Variants in TTLL8 observed in about 807,000 individuals in gnomAD.
TTLL8 encodes the protein protein monoglycylase TTLL8.
In TTLL8, 65 loss-of-function variants were observed where a neutral mutation model predicts 77.8. That is an observed-to-expected ratio of 0.84 (90% CI 0.68 to 1.03). The LOEUF is 1.03. Ranked by LOEUF, TTLL8 falls within the 50% of genes least tolerant of loss-of-function variation. The probability of loss-of-function intolerance (pLI) is 0.00; values close to 1 mark genes in which losing one functional copy is unlikely to be tolerated. For synonymous variants in TTLL8, 402 were observed against 422.8 expected (o/e 0.95, Z 0.60); for missense variants, 910 against 1,004.5 (o/e 0.91, Z 1.27).
In TTLL8 at chr22:50,043,505, A is replaced by G. The variant is rs977523967; in HGVS notation, c.644-1698T>C. On this transcript the variant is annotated intron_variant, in intron 6 of 13. Transcript: ENST00000266182. ...CCGACATGTTCTTCGGTAGATGGATAGATAGATAAACAGTGGTACCGAGAC... is the reference window on the plus strand; with the variant it reads ...CCGACATGTTCTTCGGTAGATGGATGGATAGATAAACAGTGGTACCGAGAC... Among the ~76,000 whole-genome samples, 319 of 145,494 alleles carry G rather than the reference A, an allele frequency of 2.2e-3. 2 individuals carry two copies. Among genetic ancestry groups the G allele is most frequent in the African/African-American group, 7.7e-3 (305 of 39,498 alleles).
intron 1 of TTLL8, among the ~76,000 whole-genome samples, chr22:50,051,656 G>A (rs1315743005): frequency 2.6e-5 from 4 of 152,136 alleles, no homozygotes; most frequent in Admixed American, 1.3e-4. Flanking sequence ...CCCACCAGCA[G>A]CGTAAAAGTG....
At chr22:50,031,487 C>G (rs541967978) in intron 11 of TTLL8, 199 bp downstream of exon 12, 16 of 942,614 alleles carry the variant, frequency 1.7e-5, no homozygotes, top group Non-Finnish European at 1.9e-5. Context: ...TCGGTGCCGA[C>G]GAGGCACTGA....
chr22:50,031,673 G>A lies in TTLL8; in HGVS notation c.1707+13C>T, dbSNP rs199646592. On this transcript the variant is annotated intron_variant, in intron 11 of 13. Transcript: ENST00000266182. Reference sequence around the variant, plus strand: ...GGCGGCCACCAAAGTCCCCAGGGGCGGGCGTGGCTCACCTGCCTCCACAGG... The same window carrying A: ...GGCGGCCACCAAAGTCCCCAGGGGCAGGCGTGGCTCACCTGCCTCCACAGG... 2.1e-5 allele frequency: 26 copies of A among 1,266,714 alleles called. No individual in the cohort carries two copies. The South Asian group carries it at 2.2e-4, about 11-fold the overall frequency. The allele number at this position is 1,266,714 out of a possible 1,614,324, so 78.5% of individuals were successfully genotyped here. A position where few individuals can be genotyped will look rare whatever the true frequency, so the allele number is the denominator to read the frequency against.
At chr22:50,058,000 G>A (rs2061494574), upstream of TTLL8, among the ~76,000 whole-genome samples, 1 of 151,690 alleles carries the variant, frequency 6.6e-6, no homozygotes, top group African/African-American at 2.4e-5. Flanking sequence ...AAGGGGTCTA[G>A]AATTTGGAGG....
chr22:50,023,684 AAAATAAATAAATAAAT>A (rs56403599), intron 12 of TTLL8, among the ~76,000 whole-genome samples: 10 of 149,406 alleles, frequency 6.7e-5, no homozygotes, highest in African/African-American at 2.0e-4. Context: ...ACTCCGTCTC[AAAATAAATAAATAAAT>A]AAATAAATAA....
At chr22:50,033,067 C>A (rs1485763181) in intron 10 of TTLL8, 135 bp downstream of exon 11, 4 of 1,135,768 alleles carry the variant, frequency 3.5e-6, no homozygotes, top group Non-Finnish European at 4.6e-6. Context: ...CTCAGTTTCC[C>A]CATCTGTGCC....
At chr22:50,032,298 A>C (rs1601915922) in intron 10 of TTLL8, among the ~76,000 whole-genome samples, 189 bp from the exon 12 acceptor site, 1 of 152,210 alleles carries the variant, frequency 6.6e-6, no homozygotes, top group African/African-American at 2.4e-5. Flanking sequence ...AACAGGGCTC[A>C]GAGAGGCCAT....
At chr22:50,024,975 C>T (rs2061223431) in intron 12 of TTLL8, among the ~76,000 whole-genome samples, 1 of 152,162 alleles carries the variant, frequency 6.6e-6, no homozygotes. Context: ...TTTCCCCTGG[C>T]CCCTTGATTC....
chr22:50,032,664 G>A (rs528169427), intron 10 of TTLL8, among the ~76,000 whole-genome samples: 1 of 152,318 alleles, frequency 6.6e-6, no homozygotes, highest in Admixed American at 6.5e-5. Flanking sequence ...AGGTCCCCTA[G>A]CGCCTCACAC....
At chr22:50,057,521 T>G (rs1396390346), upstream of TTLL8, among the ~76,000 whole-genome samples, 3 of 63,166 alleles carry the variant, frequency 4.7e-5, no homozygotes, top group Non-Finnish European at 8.5e-5. Flanking sequence ...GGTTGGGGGG[T>G]CAGGTCTGGG....
At chr22:50,026,612 T>C (rs1393831122) in intron 12 of TTLL8, among the ~76,000 whole-genome samples, 1 of 152,180 alleles carries the variant, frequency 6.6e-6, no homozygotes, top group Middle Eastern at 3.2e-3. Flanking sequence ...TTGATGATGA[T>C]TTAAGTCCAA....
chr22:50,032,228 GACTCCA>G, intron 10 of TTLL8, 119 bp from the exon 12 acceptor site: 8 of 1,087,278 alleles, frequency 7.4e-6, no homozygotes, highest in Non-Finnish European at 9.7e-6. Context: ...TGCCCCTGAG[GACTCCA>G]ACCCTCTGCT....
chr22:50,025,945 G>A (rs970754320), intron 12 of TTLL8, among the ~76,000 whole-genome samples: 5 of 152,132 alleles, frequency 3.3e-5, no homozygotes, highest in African/African-American at 1.2e-4. Context: ...AGTGCAAAAC[G>A]CCACAACCAT....
chr22:50,031,862 C>T (rs201717173), exon 11 of TTLL8: 106 of 1,367,310 alleles, frequency 7.8e-5, no homozygotes, highest in Non-Finnish European at 9.8e-5. Context: ...AGGACGAAGT[C>T]AGCCCCGTAG....
At chr22:50,057,440 G>A (rs1440996989), upstream of TTLL8, among the ~76,000 whole-genome samples, 1 of 124,610 alleles carries the variant, frequency 8.0e-6, no homozygotes, top group African/African-American at 3.0e-5. Flanking sequence ...TCAGGTCTGG[G>A]TTGGGGGTCA....
In TTLL8 at chr22:50,044,799, A is replaced by G. The variant is rs1371810850; in HGVS notation, c.643+456T>C. On this transcript the variant is annotated intron_variant, in intron 6 of 13. Coordinates refer to ENST00000266182, the Ensembl canonical transcript of TTLL8. The surrounding 1 kb of genome is among the most constrained non-coding windows in gnomAD (Gnocchi z 4.2). ...TTTTATTAAAACCAACAACCACAAA[A>G]AAGATTTGGGTTTTGTCCAAAAACA... Among the ~76,000 whole-genome samples, 2 of 152,076 alleles carry G rather than the reference A, an allele frequency of 1.3e-5. No homozygotes were observed. The highest frequency in any genetic ancestry group is 2.9e-5 in the Non-Finnish European group (2 of 68,022).
At chr22:50,030,180 A>T (rs1457514467) in intron 12 of TTLL8, 2 of 985,284 alleles carry the variant, frequency 2.0e-6, no homozygotes, top group Non-Finnish European at 2.4e-6. Flanking sequence ...GGTTCTACAG[A>T]GGGGACCCCA....
At chr22:50,045,794 G>T in intron 5 of TTLL8, 62 bp downstream of exon 7, 1 of 1,284,002 alleles carries the variant, frequency 7.8e-7, no homozygotes, top group Non-Finnish European at 1.0e-6. Context: ...CAGCACCAGG[G>T]GGATCTTTCT....
chr22:50,035,307 G>T (rs1291856831), intron 8 of TTLL8, among the ~76,000 whole-genome samples: 1 of 152,226 alleles, frequency 6.6e-6, no homozygotes, highest in African/African-American at 2.4e-5. Context: ...GCCTGGGCTG[G>T]GGTGGGGAAG....
Sources: gnomAD v4.1 joint callset for allele counts (sites outside exome capture counted in the v4.1 genomes callset) on GRCh38, gnomAD v4.1.1 for gene constraint, Gnocchi (gnomAD v3.1) non-coding constraint, MANE v1.5 for transcripts, NCBI Gene and HGNC (gene_info 2026-07-23, HGNC 2026-07-21) for gene names.